Variants in XYLT1 observed in about 807,000 individuals in gnomAD.
The protein encoded by XYLT1 is beta-D-xylosyltransferase 1.
A neutral mutation model predicts 91.3 loss-of-function variants in XYLT1; 36 were observed. That is an observed-to-expected ratio of 0.39 (90% CI 0.30 to 0.52). The LOEUF is 0.52. Ranked by LOEUF, XYLT1 falls within the 20% of genes least tolerant of loss-of-function variation. The pLI, the probability that XYLT1 is intolerant of heterozygous loss-of-function variation, is 0.68. For missense variants in XYLT1, 1,242 were observed against 1,284.5 expected (o/e 0.97, Z 0.51); for synonymous variants, 588 against 532.0 (o/e 1.11, Z -1.45).
At chr16:17,143,603 T>A (rs1022828076) in intron 6 of XYLT1, among the ~76,000 whole-genome samples, 1 of 152,230 alleles carries the variant, frequency 6.6e-6, no homozygotes, top group African/African-American at 2.4e-5. Flanking sequence ...CTGGGAATGA[T>A]TGTCTTCTTC....
chr16:17,452,860 T>TACAC lies in XYLT1; in HGVS notation c.363+17570_363+17573dup, dbSNP rs549600410. On this transcript the variant is annotated intron_variant, in intron 1 of 11. Coordinates refer to ENST00000261381, the MANE Select transcript of XYLT1 (RefSeq NM_022166.4). Reference sequence around the variant, plus strand: ...AAAAAGAGAAGTTCTTCCCCTAGAATACACACACACACACATACACACACA... The same window carrying TACAC: ...AAAAAGAGAAGTTCTTCCCCTAGAATACACACACACACACACACATACACACACA... 7.8e-4 allele frequency among the ~76,000 whole-genome samples: 118 copies of TACAC among 151,322 alleles called. 1 individual carries two copies. The East Asian group carries it at 0.021, about 26-fold the overall frequency.
intron 2 of XYLT1, among the ~76,000 whole-genome samples, chr16:17,329,874 T>G (rs1421184335): frequency 6.6e-6 from 1 of 152,218 alleles, no homozygotes; most frequent in African/African-American, 2.4e-5. Context: ...AGTCTGGGTT[T>G]CCTCATTTAT....
intron 1 of XYLT1, among the ~76,000 whole-genome samples, chr16:17,469,177 A>C (rs1448977580): frequency 2.0e-5 from 3 of 152,226 alleles, no homozygotes; most frequent in Admixed American, 6.5e-5. Context: ...ACTCCGAAGA[A>C]GTTTAGCAGC....
chr16:17,310,895 G>A (rs1018489906), intron 2 of XYLT1, among the ~76,000 whole-genome samples: 3 of 152,086 alleles, frequency 2.0e-5, no homozygotes, highest in Non-Finnish European at 4.4e-5. Flanking sequence ...GCTTTGTTCC[G>A]AGTGTAGACA....
chr16:17,194,124 G>A (rs2032377022), intron 5 of XYLT1: 1 of 152,232 alleles, frequency 6.6e-6, no homozygotes, highest in South Asian at 2.1e-4. Flanking sequence ...TGAGACCTTG[G>A]ATGTACCTTA....
At chr16:17,259,568 A>C in intron 2 of XYLT1, 70 bp from the exon 3 acceptor site, 2 of 1,548,290 alleles carry the variant, frequency 1.3e-6, no homozygotes, top group Non-Finnish European at 1.7e-6. Context: ...CTGGCCTTTG[A>C]AGAGTGAGTC....
At chr16:17,336,737 C>T (rs182765894) in intron 2 of XYLT1, among the ~76,000 whole-genome samples, 3 of 152,316 alleles carry the variant, frequency 2.0e-5, no homozygotes, top group Non-Finnish European at 2.9e-5. Context: ...CTACCCCAGC[C>T]GAGCTGACAT....
chr16:17,155,729 C>T (rs528454793), intron 6 of XYLT1, among the ~76,000 whole-genome samples: 5 of 152,262 alleles, frequency 3.3e-5, no homozygotes, highest in Admixed American at 6.5e-5. Context: ...GGGACTCACA[C>T]GCAAGAGTTG....
intron 2 of XYLT1, among the ~76,000 whole-genome samples, chr16:17,305,492 T>C (rs1243669457): frequency 6.6e-6 from 1 of 151,020 alleles, no homozygotes; most frequent in Non-Finnish European, 1.5e-5. Flanking sequence ...CTCGGCTCAC[T>C]GAAACCTCCG....
chr16:17,296,017 A>C (rs1237763477), intron 2 of XYLT1, among the ~76,000 whole-genome samples: 2 of 150,588 alleles, frequency 1.3e-5, no homozygotes, highest in African/African-American at 4.9e-5. Flanking sequence ...GCATTCATAG[A>C]GTAAGGAAGA....
intron 3 of XYLT1, among the ~76,000 whole-genome samples, chr16:17,244,101 T>C (rs1254052977): frequency 1.3e-5 from 2 of 152,134 alleles, no homozygotes; most frequent in Admixed American, 1.3e-4. Context: ...CTCAGTAGCA[T>C]TGGTTGCAAA....
intron 3 of XYLT1, chr16:17,227,320 G>A (rs927287269): frequency 6.6e-6 from 1 of 152,386 alleles, no homozygotes; most frequent in Admixed American, 6.5e-5. Context: ...TCCACACAGA[G>A]GCAACTGCAT....
intron 2 of XYLT1, among the ~76,000 whole-genome samples, chr16:17,271,172 T>C (rs548080085): frequency 5.9e-5 from 9 of 151,826 alleles, no homozygotes; most frequent in African/African-American, 1.2e-4. Flanking sequence ...TGTTTGTTTG[T>C]TTGTTTTTAA....
chr16:17,352,867 C>G (rs1008271620), intron 2 of XYLT1, among the ~76,000 whole-genome samples: 3 of 152,226 alleles, frequency 2.0e-5, no homozygotes, highest in African/African-American at 7.2e-5. Flanking sequence ...TCTGCTGTAT[C>G]TTTCACAGTT....
chr16:17,105,448 AAGC>A lies in XYLT1; in HGVS notation c.*3244_*3246del, dbSNP rs1365139199. Reference sequence around the variant, plus strand: ...CTTTTTTTTCCCCTGCAAAGGGAGAAAGCAGCGCGCTTCTCACAACACGGGGAC... The same window carrying A: ...CTTTTTTTTCCCCTGCAAAGGGAGAAAGCGCGCTTCTCACAACACGGGGAC... On this transcript the variant is annotated 3_prime_UTR_variant, in exon 12 of 12. Transcript: ENST00000261381. 6.6e-6 allele frequency: 1 copy of A among 152,204 alleles called. No homozygotes were observed. Among genetic ancestry groups the A allele is most frequent in the Non-Finnish European group, 1.5e-5 (1 of 68,032 alleles). The allele number at this position is 152,204 out of a possible 1,614,324, so 9.4% of individuals were successfully genotyped here.
At chr16:17,423,823 C>T (rs138022886) in intron 1 of XYLT1, among the ~76,000 whole-genome samples, 1 of 152,218 alleles carries the variant, frequency 6.6e-6, no homozygotes, top group African/African-American at 2.4e-5. Flanking sequence ...ACCATGTTGG[C>T]CAGGATGGTC....
At chr16:17,446,826 G>T (rs1336209523) in intron 1 of XYLT1, among the ~76,000 whole-genome samples, 2 of 149,612 alleles carry the variant, frequency 1.3e-5, no homozygotes, top group Non-Finnish European at 2.9e-5. Flanking sequence ...AACCAGAGCT[G>T]AGGCCACCCG....
At chr16:17,272,107 A>G (rs2033904006) in intron 2 of XYLT1, among the ~76,000 whole-genome samples, 1 of 144,998 alleles carries the variant, frequency 6.9e-6, no homozygotes, top group African/African-American at 2.6e-5. Context: ...GGCAGTGGAT[A>G]GTCTTTGAGT....
At chr16:17,302,137 G>A (rs1275779865) in intron 2 of XYLT1, among the ~76,000 whole-genome samples, 2 of 152,012 alleles carry the variant, frequency 1.3e-5, no homozygotes, top group Non-Finnish European at 2.9e-5. Context: ...CCCACCAGGT[G>A]GATGTTGCAG....
Sources: allele counts gnomAD v4.1 joint callset (sites outside exome capture counted in the v4.1 genomes callset), GRCh38; gene constraint gnomAD v4.1.1; transcripts MANE v1.5; gene names NCBI Gene and HGNC (gene_info 2026-07-23, HGNC 2026-07-21).